Variants in EEIG1 observed in about 807,000 individuals in gnomAD.
EEIG1 encodes the protein estrogen-induced osteoclastogenesis regulator 1.
chr9:127,945,468 G>A, the EEIG1 span: 1 of 1,565,060 alleles, frequency 6.4e-7, no homozygotes. The surrounding 1 kb of genome is among the most constrained non-coding windows in gnomAD (Gnocchi z 6.5). Flanking sequence ...CCACGGTCAT[G>A]CCAAGGCCCC....
the EEIG1 span, among the ~76,000 whole-genome samples, chr9:127,961,293 GGGGCATGA>G: frequency 0.9 from 136,796 of 152,142 alleles, 62,115 homozygotes; most frequent in Non-Finnish European, 0.97. Context: ...TGGCATGCAT[GGGGCATGA>G]TCCCATGCAT....
At chr9:127,954,361 G>A in the EEIG1 span, among the ~76,000 whole-genome samples, 1 of 152,184 alleles carries the variant, frequency 6.6e-6, no homozygotes, top group Non-Finnish European at 1.5e-5. Flanking sequence ...TTTCAAAGAT[G>A]AAGAGACCGA....
At chr9:127,979,820 G>C in the EEIG1 span, among the ~76,000 whole-genome samples, 1 of 152,214 alleles carries the variant, frequency 6.6e-6, no homozygotes, top group Admixed American at 6.5e-5. Context: ...CGGCTGCCTG[G>C]CACCCTGCCA....
the EEIG1 span, chr9:127,944,707 G>A: frequency 6.2e-7 from 1 of 1,612,668 alleles, no homozygotes; most frequent in South Asian, 1.1e-5. Flanking sequence ...AGGAGAGGAT[G>A]GAGGCTGAGC....
the EEIG1 span, among the ~76,000 whole-genome samples, chr9:127,949,832 C>G: frequency 6.6e-6 from 1 of 152,220 alleles, no homozygotes; most frequent in Admixed American, 6.5e-5. Context: ...TTTCTGTTCC[C>G]AAAAGGCCAA....
At chr9:127,968,190 T>C in the EEIG1 span, among the ~76,000 whole-genome samples, 3 of 152,002 alleles carry the variant, frequency 2.0e-5, no homozygotes, top group Non-Finnish European at 4.4e-5. Context: ...GAGCCACTCC[T>C]GGCTGACTCA....
At chr9:127,975,094 C>T in the EEIG1 span, among the ~76,000 whole-genome samples, 19 of 152,184 alleles carry the variant, frequency 1.2e-4, no homozygotes, top group Admixed American at 9.8e-4. Flanking sequence ...CCTAGAAGGG[C>T]GGGTGAGGGA....
the EEIG1 span, chr9:127,979,881 A>AT: frequency 7.6e-7 from 1 of 1,318,772 alleles, no homozygotes; most frequent in Non-Finnish European, 1.0e-6. Context: ...GGCACACAGA[A>AT]TCCCCCGGAT....
the EEIG1 span, chr9:127,943,102 G>C: frequency 9.1e-6 from 11 of 1,205,534 alleles, no homozygotes; most frequent in Non-Finnish European, 1.2e-5. Flanking sequence ...GTGGCGCAGA[G>C]GTGATCTGAA....
At chr9:127,944,849 G>A in the EEIG1 span, 6 of 1,612,396 alleles carry the variant, frequency 3.7e-6, no homozygotes, top group African/African-American at 1.3e-5. Context: ...GCATCGATCC[G>A]CGTGTCGTCC....
chr9:127,957,613 T>C, the EEIG1 span, among the ~76,000 whole-genome samples: 6 of 152,184 alleles, frequency 3.9e-5, no homozygotes, highest in Non-Finnish European at 5.9e-5. Context: ...GATCCTAAAC[T>C]TTACATGGAA....
At chr9:127,958,160 G>T in the EEIG1 span, among the ~76,000 whole-genome samples, 1 of 152,188 alleles carries the variant, frequency 6.6e-6, no homozygotes, top group Non-Finnish European at 1.5e-5. Context: ...GCGTGTGTGA[G>T]GGGGGTGGTG....
the EEIG1 span, among the ~76,000 whole-genome samples, chr9:127,975,487 C>G: frequency 6.6e-6 from 1 of 152,164 alleles, no homozygotes; most frequent in Non-Finnish European, 1.5e-5. Flanking sequence ...CCTCCCCGTT[C>G]TGGCCCAGCC....
chr9:127,979,019 C>G, the EEIG1 span, among the ~76,000 whole-genome samples: 1 of 151,258 alleles, frequency 6.6e-6, no homozygotes, highest in South Asian at 2.1e-4. Flanking sequence ...CGCGTCCCCC[C>G]AAAAAAGAAA....
At chr9:127,975,619 G>A in the EEIG1 span, among the ~76,000 whole-genome samples, 3 of 152,100 alleles carry the variant, frequency 2.0e-5, no homozygotes, top group Non-Finnish European at 2.9e-5. Context: ...CTTCTCTGCC[G>A]CAGGCCTCAG....
At chr9:127,958,480 CACA>C in the EEIG1 span, among the ~76,000 whole-genome samples, 1 of 151,974 alleles carries the variant, frequency 6.6e-6, no homozygotes, top group Non-Finnish European at 1.5e-5. Context: ...ACCTGGGCAA[CACA>C]ACAAGACCCC....
the EEIG1 span, chr9:127,940,656 T>C: frequency 6.6e-6 from 1 of 152,096 alleles, no homozygotes; most frequent in Admixed American, 6.6e-5. Flanking sequence ...CCCCTAACAA[T>C]GTTATTTTCT....
the EEIG1 span, chr9:127,979,879 G>T: frequency 1.5e-6 from 2 of 1,314,038 alleles, no homozygotes; most frequent in Non-Finnish European, 2.0e-6. Flanking sequence ...CAGGCACACA[G>T]AATCCCCCGG....
At chr9:127,971,869 G>A in the EEIG1 span, among the ~76,000 whole-genome samples, 1 of 152,228 alleles carries the variant, frequency 6.6e-6, no homozygotes. Flanking sequence ...GAGCAGAGAA[G>A]TGGGGGAAGG....
Sources: allele counts gnomAD v4.1 joint callset (sites outside exome capture counted in the v4.1 genomes callset), GRCh38; gene constraint gnomAD v4.1.1; non-coding constraint Gnocchi (gnomAD v3.1); transcripts MANE v1.5; gene names NCBI Gene and HGNC (gene_info 2026-07-23, HGNC 2026-07-21).